DOCK3: variants seen among roughly 807,000 people sequenced by gnomAD.
DOCK3 encodes the protein dedicator of cytokinesis 3.
Under a neutral mutation model 265.6 loss-of-function variants are expected in DOCK3, and 60 were observed. The observed-to-expected ratio is 0.23, with a 90% CI of 0.18 to 0.28. The LOEUF (loss-of-function observed/expected upper bound fraction) is 0.28, where lower values mean the gene tolerates loss of function less well. DOCK3 is among the 10% of genes least tolerant of loss of function. The pLI is 1.00. For synonymous variants in DOCK3, 881 were observed against 938.0 expected (o/e 0.94, Z 1.11); for missense variants, 1,981 against 2,594.3 (o/e 0.76, Z 5.14).
chr3:51,295,782 G>C (rs918657726), intron 27 of DOCK3, among the ~76,000 whole-genome samples: 2 of 152,054 alleles, frequency 1.3e-5, no homozygotes, highest in African/African-American at 4.8e-5. Flanking sequence ...AAGGCGTTGG[G>C]GGGTGGGGGG....
At chr3:50,704,077 G>A (rs1037178765) in intron 1 of DOCK3, among the ~76,000 whole-genome samples, 1 of 151,692 alleles carries the variant, frequency 6.6e-6, no homozygotes, top group African/African-American at 2.4e-5. Context: ...TCATTTATTT[G>A]TACAGTTTCC....
chr3:51,088,492 C>T (rs1189588957), intron 7 of DOCK3, among the ~76,000 whole-genome samples: 2 of 152,124 alleles, frequency 1.3e-5, no homozygotes, highest in Non-Finnish European at 2.9e-5. Context: ...GATAATTATA[C>T]ATTGTATGCA....
At chr3:51,195,648 C>T (rs1321345138) in intron 12 of DOCK3, among the ~76,000 whole-genome samples, 3 of 152,022 alleles carry the variant, frequency 2.0e-5, no homozygotes, top group Non-Finnish European at 2.9e-5. Context: ...AAACTCCTGA[C>T]CTCAGGTGAT....
chr3:50,949,140 C>T (rs2076524352), intron 5 of DOCK3, among the ~76,000 whole-genome samples: 1 of 151,996 alleles, frequency 6.6e-6, no homozygotes, highest in South Asian at 2.1e-4. Context: ...ATCAGAAGCA[C>T]AAACTATAAA....
chr3:51,146,400 T>C (rs1576233126), intron 9 of DOCK3, 149 bp from the exon 10 acceptor site: 5 of 698,680 alleles, frequency 7.2e-6, no homozygotes, highest in Non-Finnish European at 1.2e-5. Context: ...AAAAAGAGGG[T>C]GTCCTGCCAC....
At chr3:50,923,210 A>G (rs2050591015) in intron 4 of DOCK3, among the ~76,000 whole-genome samples, 1 of 152,164 alleles carries the variant, frequency 6.6e-6, no homozygotes, top group South Asian at 2.1e-4. Context: ...GCAATTGCAA[A>G]TTGTGCTCCT....
At position 51,227,309 on chromosome 3, in the gene DOCK3, G is replaced by A; in HGVS notation, c.1404G>A (p.Glu468=). The change falls in exon 16 of 53, where the codon GAG becomes GAA. Residue 468 remains glutamate, a synonymous_variant. Transcript: ENST00000266037. ...ATTGCATCAGCTTGGGTTCAGGAGA[G>A]CCAAATAGGAGTTCCTACCACTCCT... ...LKDCISLGSG[E]PNRSSYHSFV... is the part of the protein sequence containing the mutation. 2 of 1,613,840 alleles carry A rather than the reference G, an allele frequency of 1.2e-6. No homozygotes were observed. Among genetic ancestry groups the A allele is most frequent in the Non-Finnish European group, 1.7e-6 (2 of 1,179,846 alleles).
chr3:50,742,855 G>T (rs1371428359), intron 1 of DOCK3, among the ~76,000 whole-genome samples: 3 of 152,148 alleles, frequency 2.0e-5, no homozygotes, highest in African/African-American at 2.4e-5. Flanking sequence ...ACACCACAAA[G>T]ATACTCCTTG....
At chr3:50,681,429 G>A (rs1048929421) in intron 1 of DOCK3, among the ~76,000 whole-genome samples, 3 of 151,938 alleles carry the variant, frequency 2.0e-5, no homozygotes, top group Admixed American at 6.5e-5. Flanking sequence ...AAGCATTATT[G>A]GGTATGCTAT....
At chr3:51,319,030 A>G (rs546900541) in intron 32 of DOCK3, among the ~76,000 whole-genome samples, 2 of 152,204 alleles carry the variant, frequency 1.3e-5, no homozygotes, top group South Asian at 2.1e-4. Context: ...TCTACTCTAT[A>G]TATCTCTTAT....
chr3:50,976,550 G>A (rs1246633392), intron 5 of DOCK3, among the ~76,000 whole-genome samples: 4 of 133,178 alleles, frequency 3.0e-5, no homozygotes, highest in Non-Finnish European at 6.2e-5. Flanking sequence ...GCTGAGGAGA[G>A]CTTTACTTCC....
intron 13 of DOCK3, among the ~76,000 whole-genome samples, chr3:51,211,685 T>C (rs1263735864): frequency 6.6e-6 from 1 of 152,158 alleles, no homozygotes; most frequent in Non-Finnish European, 1.5e-5. Context: ...ACAAAGGACA[T>C]GAACTCATCC....
intron 4 of DOCK3, among the ~76,000 whole-genome samples, chr3:50,892,052 A>G (rs940617234): frequency 2.6e-5 from 4 of 152,114 alleles, no homozygotes; most frequent in Admixed American, 2.6e-4. Context: ...AATGTCCAAT[A>G]AGTTGATGGT....
chr3:50,680,776 T>G (rs1187055933), intron 1 of DOCK3, among the ~76,000 whole-genome samples: 2 of 151,986 alleles, frequency 1.3e-5, no homozygotes, highest in Non-Finnish European at 2.9e-5. Context: ...AGTGGCGGGT[T>G]TACAGGTATG....
At chr3:50,767,833 A>G (rs1355979665) in intron 1 of DOCK3, among the ~76,000 whole-genome samples, 1 of 152,130 alleles carries the variant, frequency 6.6e-6, no homozygotes, top group Non-Finnish European at 1.5e-5. Flanking sequence ...GAGGTCCTTC[A>G]CATCCCTTGT....
At chr3:50,716,426 G>A (rs2037116013) in intron 1 of DOCK3, among the ~76,000 whole-genome samples, 1 of 152,036 alleles carries the variant, frequency 6.6e-6, no homozygotes, top group Admixed American at 6.6e-5. Context: ...TACTTGGGAG[G>A]CTGAGGCAGC....
At chr3:50,909,846 C>T (rs565228817) in intron 4 of DOCK3, among the ~76,000 whole-genome samples, 1 of 152,024 alleles carries the variant, frequency 6.6e-6, no homozygotes, top group East Asian at 1.9e-4. Context: ...CCATCTCTTT[C>T]AGGTAACTCA....
At chr3:51,051,199 G>T (rs577709897) in intron 5 of DOCK3, among the ~76,000 whole-genome samples, 7 of 152,102 alleles carry the variant, frequency 4.6e-5, no homozygotes, top group Non-Finnish European at 7.3e-5. Flanking sequence ...TTTTTAAAGG[G>T]ATATATAAGT....
chr3:51,367,558 G>A (rs1268464723), intron 49 of DOCK3, among the ~76,000 whole-genome samples: 4 of 152,176 alleles, frequency 2.6e-5, no homozygotes, highest in East Asian at 1.9e-4. Context: ...TATTTTGCTC[G>A]TTAGTTGATG....
Sources: allele counts gnomAD v4.1 joint callset (sites outside exome capture counted in the v4.1 genomes callset), GRCh38; gene constraint gnomAD v4.1.1; transcripts MANE v1.5; gene names NCBI Gene and HGNC (gene_info 2026-07-23, HGNC 2026-07-21).